CNNM2: variants seen among roughly 807,000 people sequenced by gnomAD.
The protein encoded by CNNM2 is metal transporter CNNM2.
In CNNM2, 12 loss-of-function variants were observed where a neutral mutation model predicts 66.9. The observed-to-expected ratio is 0.18, with a 90% confidence interval of 0.11 to 0.29. CNNM2 has a LOEUF of 0.29. CNNM2 is among the 10% of genes least tolerant of loss of function. CNNM2 has a pLI of 1.00. For synonymous variants in CNNM2, 557 were observed against 501.8 expected (o/e 1.11, Z -1.47); for missense variants, 705 against 1,167.7 (o/e 0.60, Z 5.77).
At chr10:102,928,308 C>T (rs972606073) in intron 1 of CNNM2, among the ~76,000 whole-genome samples, 1 of 151,996 alleles carries the variant, frequency 6.6e-6, no homozygotes, top group African/African-American at 2.4e-5. Context: ...AGAAGGTGGC[C>T]GGGCATTGTG....
intron 1 of CNNM2, among the ~76,000 whole-genome samples, chr10:103,017,136 C>T (rs1418376950): frequency 6.6e-6 from 1 of 152,044 alleles, no homozygotes; most frequent in Non-Finnish European, 1.5e-5. Flanking sequence ...GTGGTAAGAA[C>T]GTGGATGTTT....
At chr10:103,076,887 T>C in intron 7 of CNNM2, 84 bp from the exon 8 acceptor site, 1 of 1,230,646 alleles carries the variant, frequency 8.1e-7, no homozygotes. Context: ...GCTGTGGGCC[T>C]GTCGGGATTG....
chr10:102,953,321 A>C (rs1261656171), intron 1 of CNNM2, among the ~76,000 whole-genome samples: 1 of 151,914 alleles, frequency 6.6e-6, no homozygotes, highest in Non-Finnish European at 1.5e-5. Flanking sequence ...CAGTGATGCG[A>C]CCTCGGCTTG....
intron 1 of CNNM2, among the ~76,000 whole-genome samples, chr10:102,987,665 A>C: frequency 6.6e-6 from 1 of 152,060 alleles, no homozygotes; most frequent in South Asian, 2.1e-4. Flanking sequence ...ATTTTGTAAT[A>C]TATATAATTT....
At position 102,918,677 on chromosome 10, in the gene CNNM2, T is replaced by G. The variant is rs1316511128; in HGVS notation, c.197T>G (p.Val66Gly). 6.4e-7 allele frequency: 1 copy of G among 1,552,000 alleles called. No individual in the cohort carries two copies. The highest frequency in any genetic ancestry group is 8.7e-7 in the Non-Finnish European group (1 of 1,148,494). ...TGCGGTGCGGGCGGCTGCGCAGCGG[T>G]GGGCGAGAATGAGGAGACGGTGATC... Reference protein sequence around the residue: ...CCCGAGGCAAVGENEETVIIG... With the variant: ...CCCGAGGCAAGGENEETVIIG... Residue 66 changes from valine (V) to glycine (G), a missense_variant, in exon 1 of 8, where the codon GTG becomes GGG. Val to Gly is a moderately radical substitution (Grantham distance 109). Coordinates refer to ENST00000369878, the MANE Select transcript of CNNM2 (RefSeq NM_017649.5). The surrounding 1 kb of genome is among the most constrained non-coding windows in gnomAD (Gnocchi z 4.1).
rs1320312326 is a variant in CNNM2, at chr10:103,081,770, C to T, written c.*4590C>T. The T allele has an allele frequency of 6.6e-6, 1 of 152,200 alleles. No homozygotes were observed. The highest frequency in any genetic ancestry group is 1.5e-5 in the Non-Finnish European group (1 of 68,048). 9.4% of individuals were successfully genotyped at this position (152,200 alleles called of 1,614,324 possible). On this transcript the variant is annotated 3_prime_UTR_variant, in exon 8 of 8. Coordinates refer to ENST00000369878, the MANE Select transcript of CNNM2 (RefSeq NM_017649.5). ...TCCCTTTTGCTACCTTCTTTCCTATCTGGAGATTCATATTCTAGAGTCCCT... is the reference window on the plus strand; with the variant it reads ...TCCCTTTTGCTACCTTCTTTCCTATTTGGAGATTCATATTCTAGAGTCCCT...
intron 1 of CNNM2, among the ~76,000 whole-genome samples, chr10:102,978,736 G>A (rs977095972): frequency 2.0e-4 from 30 of 152,180 alleles, no homozygotes; most frequent in African/African-American, 7.2e-4. Context: ...AGCGCCCAGA[G>A]CAAGAAACGG....
chr10:103,024,466 ATTTATT>A (rs1214673578), intron 1 of CNNM2, among the ~76,000 whole-genome samples: 5 of 151,960 alleles, frequency 3.3e-5, no homozygotes, highest in Admixed American at 1.3e-4. Flanking sequence ...ACCAAGCAAA[ATTTATT>A]TTTATTTTTA....
Position 103,083,193 on chromosome 10 carries a change from A to C in CNNM2, c.*6013A>C, listed in dbSNP as rs2065773426. On this transcript the variant is annotated 3_prime_UTR_variant, in exon 8 of 8. Coordinates refer to ENST00000369878, the MANE Select transcript of CNNM2 (RefSeq NM_017649.5). The stretch of plus-strand genomic sequence containing the variant: ...GAACACAGTATTCAGAGCTGTGTAC[A>C]TAAACCTAAATAAGCACAAATGACA... 6.6e-6 allele frequency: 1 copy of C among 152,238 alleles called. No individual in the cohort carries two copies. Among genetic ancestry groups the C allele is most frequent in the Non-Finnish European group, 1.5e-5 (1 of 68,034 alleles). The allele number at this position is 152,238 out of a possible 1,614,324, so 9.4% of individuals were successfully genotyped here.
chr10:103,057,103 C>G, intron 4 of CNNM2, 139 bp downstream of exon 4: 2 of 772,156 alleles, frequency 2.6e-6, no homozygotes, highest in Non-Finnish European at 2.1e-6. Flanking sequence ...TTTTATCTTC[C>G]TGTTTTCATA....
At chr10:102,971,262 GAA>G (rs202223790) in intron 1 of CNNM2, among the ~76,000 whole-genome samples, 121 of 117,408 alleles carry the variant, frequency 1.0e-3, no homozygotes, top group African/African-American at 3.3e-3. Context: ...AAAAAAAAAA[GAA>G]AAAAAAAAAA....
In CNNM2 at chr10:102,976,594, C is replaced by T. The variant is rs7092593; in HGVS notation, c.1621+56493C>T. Among the ~76,000 whole-genome samples the T allele has an allele frequency of 0.18, 25,965 of 142,720 alleles. 2,582 individuals carry two copies. The highest frequency in any genetic ancestry group is 0.22 in the Non-Finnish European group (14,389 of 66,114). The allele number at this position is 142,720 out of a possible 152,430, so 93.6% of individuals were successfully genotyped here. On this transcript the variant is annotated intron_variant, in intron 1 of 7. Coordinates refer to ENST00000369878, the MANE Select transcript of CNNM2 (RefSeq NM_017649.5). ...ATGAGTAGCTGGAATTACAGGTGTG[C>T]GCCACACGCCCAGGTAATTTTTTTT...
chr10:103,052,538 A>G (rs1590466582), intron 2 of CNNM2, among the ~76,000 whole-genome samples: 2 of 148,846 alleles, frequency 1.3e-5, no homozygotes, highest in Non-Finnish European at 1.5e-5. Flanking sequence ...TTTTTAGACT[A>G]AGTCTTGCTC....
intron 1 of CNNM2, among the ~76,000 whole-genome samples, chr10:102,961,933 AG>A (rs1384882444): frequency 6.6e-6 from 1 of 151,618 alleles, no homozygotes; most frequent in African/African-American, 2.4e-5. Flanking sequence ...AAAATAAGAA[AG>A]GTTGTCTAAC....
intron 1 of CNNM2, among the ~76,000 whole-genome samples, chr10:102,980,150 C>T (rs1006730436): frequency 2.6e-5 from 4 of 151,866 alleles, no homozygotes; most frequent in Non-Finnish European, 5.9e-5. Flanking sequence ...CCATGTTGGC[C>T]AGGCTGGTCT....
chr10:103,067,543 T>C (rs143806767), intron 4 of CNNM2, among the ~76,000 whole-genome samples: 40 of 152,336 alleles, frequency 2.6e-4, no homozygotes, highest in African/African-American at 9.1e-4. Context: ...TTAATTTTTG[T>C]TCACCCATTG....
intron 6 of CNNM2, among the ~76,000 whole-genome samples, chr10:103,075,241 A>G (rs2134370335): frequency 6.6e-6 from 1 of 152,296 alleles, no homozygotes; most frequent in South Asian, 2.1e-4. Context: ...CTGTGATACG[A>G]TGCAATTCAA....
At chr10:102,932,942 G>A (rs1479682010) in intron 1 of CNNM2, among the ~76,000 whole-genome samples, 4 of 150,716 alleles carry the variant, frequency 2.7e-5, no homozygotes, top group Non-Finnish European at 5.9e-5. Flanking sequence ...AAAAAAATTG[G>A]CCATACATTT....
intron 1 of CNNM2, among the ~76,000 whole-genome samples, chr10:102,936,036 G>A (rs1390554139): frequency 2.0e-5 from 3 of 151,430 alleles, no homozygotes; most frequent in Admixed American, 2.0e-4. Context: ...TGGGGGTAGG[G>A]GGCTGGTAAT....
Sources: allele counts gnomAD v4.1 joint callset (sites outside exome capture counted in the v4.1 genomes callset), GRCh38; gene constraint gnomAD v4.1.1; non-coding constraint Gnocchi (gnomAD v3.1); transcripts MANE v1.5; gene names NCBI Gene and HGNC (gene_info 2026-07-23, HGNC 2026-07-21).